SH3BP4: variants seen among roughly 807,000 people sequenced by gnomAD.
SH3BP4 encodes SH3 domain-binding protein 4.
Under a neutral mutation model 65.5 loss-of-function variants are expected in SH3BP4, and 33 were observed. The ratio of observed to expected loss-of-function variants is 0.50; its 90% CI spans 0.38 to 0.67. SH3BP4 has a LOEUF of 0.67. Ranked by LOEUF, SH3BP4 falls within the 30% of genes least tolerant of loss-of-function variation. The probability of loss-of-function intolerance (pLI) is 0.00; values close to 1 mark genes in which losing one functional copy is unlikely to be tolerated. For synonymous variants in SH3BP4, 552 were observed against 545.5 expected, an observed-to-expected ratio of 1.01 and a Z score of -0.17; for missense variants, 1,134 against 1,261.4, an observed-to-expected ratio of 0.90 and a Z score of 1.53.
Position 235,035,342 on chromosome 2 carries a change from G to A in SH3BP4, c.118+222G>A, listed in dbSNP as rs1047780311. Among the ~76,000 whole-genome samples the A allele has an allele frequency of 2.0e-5, 3 of 152,112 alleles. No individual in the cohort carries two copies. Among genetic ancestry groups the A allele is most frequent in the Non-Finnish European group, 4.4e-5 (3 of 68,024 alleles). On this transcript the variant is annotated intron_variant, in intron 3 of 5. Coordinates refer to ENST00000392011, the MANE Select transcript of SH3BP4 (RefSeq NM_014521.3). This position sits in a 1 kb window ranked among gnomAD's most constrained non-coding sequence, Gnocchi z 5.0. ...TAGTGAAACCCCTTCTTAATACAGGGTATGTTTCTTTTTACTTGATAAAAT... is the reference window on the plus strand; with the variant it reads ...TAGTGAAACCCCTTCTTAATACAGGATATGTTTCTTTTTACTTGATAAAAT...
Position 235,040,975 on chromosome 2 carries a change from C to G in SH3BP4, c.206C>G (p.Thr69Ser). Residue 69 changes from threonine (T) to serine (S), a missense_variant, in exon 4 of 6, where the codon ACC (threonine) becomes AGC (serine). By Grantham distance (58) the Thr-to-Ser change is moderately conservative. Coordinates refer to ENST00000392011, the MANE Select transcript of SH3BP4 (RefSeq NM_014521.3). Reference protein sequence around the residue: ...EVIAIKDYCPTNFTTLKFSKG... With the variant: ...EVIAIKDYCPSNFTTLKFSKG... The stretch of plus-strand genomic sequence containing the variant: ...ATTGCGATCAAGGACTATTGCCCCA[C>G]CAACTTCACCACACTGAAGTTCTCC... 6.2e-7 allele frequency: 1 copy of G among 1,614,176 alleles called. No individual in the cohort carries two copies. The highest frequency in any genetic ancestry group is 8.5e-7 in the Non-Finnish European group (1 of 1,180,038).
Position 235,052,731 on chromosome 2 carries a change from A to G in SH3BP4, c.2648A>G (p.Asn883Ser), listed in dbSNP as rs778929264. ...DAYESPHRDR[N>S]GVVDSEAMWK... is the part of the protein sequence containing the mutation. ...TACGAGTCTCCCCACCGGGACAGGAACGGGGTTGTGGACAGCGAGGTGAGC... is the reference window on the plus strand; with the variant it reads ...TACGAGTCTCCCCACCGGGACAGGAGCGGGGTTGTGGACAGCGAGGTGAGC... The change falls in exon 5 of 6, where the codon AAC becomes AGC. Residue 883 changes from asparagine (N) to serine (S), a missense_variant. By Grantham distance (46) the Asn-to-Ser change is conservative. Transcript: ENST00000392011. The surrounding 1 kb of genome is among the most constrained non-coding windows in gnomAD (Gnocchi z 5.0). 43 of 1,601,342 alleles carry G rather than the reference A, an allele frequency of 2.7e-5. No homozygotes were observed. In the Admixed American group the frequency reaches 6.1e-4, roughly 23 times the overall value.
At chr2:234,972,947 G>A (rs149425251) in intron 1 of SH3BP4, among the ~76,000 whole-genome samples, 65 of 152,254 alleles carry the variant, frequency 4.3e-4, no homozygotes, top group African/African-American at 1.5e-3. Flanking sequence ...TGAAAAACAC[G>A]TGCAGAACAC....
intron 2 of SH3BP4, among the ~76,000 whole-genome samples, chr2:235,032,712 G>T (rs1302833162): frequency 6.6e-6 from 1 of 152,142 alleles, no homozygotes; most frequent in African/African-American, 2.4e-5. Context: ...GGGGGCGAGG[G>T]TGCTGTGCCG....
At position 235,055,025 on chromosome 2, in the gene SH3BP4, G is replaced by C. The variant is rs1444870449; in HGVS notation, c.*1209G>C. 1 of 152,208 alleles carries C rather than the reference G, an allele frequency of 6.6e-6. No individual in the cohort carries two copies. Among genetic ancestry groups the C allele is most frequent in the African/African-American group, 2.4e-5 (1 of 41,444 alleles). The allele number at this position is 152,208 out of a possible 1,614,324, so 9.4% of individuals were successfully genotyped here. A position where few individuals can be genotyped will look rare whatever the true frequency, so the allele number is the denominator to read the frequency against. On this transcript the variant is annotated 3_prime_UTR_variant, in exon 6 of 6. Coordinates refer to ENST00000392011, the MANE Select transcript of SH3BP4 (RefSeq NM_014521.3). ...GAGCATTTTGTAAAAATGAAAATGT[G>C]ACTCACATAAAATCAGGAACTTGAC... is the stretch of plus-strand genomic sequence containing the variant.
rs1166300378 is a variant in SH3BP4, at chr2:235,026,606, C to A, written c.-132-8265C>A. ...ACAGAGCCTCGTTGCTAGAGCCTGG[C>A]ACTCCGTAGATGTTCACTAAGGTGA... On this transcript the variant is annotated intron_variant, in intron 2 of 5. Coordinates refer to ENST00000392011, the MANE Select transcript of SH3BP4 (RefSeq NM_014521.3). This position sits in a 1 kb window ranked among gnomAD's most constrained non-coding sequence, Gnocchi z 4.6. Among the ~76,000 whole-genome samples the A allele has an allele frequency of 6.6e-6, 1 of 152,212 alleles. No individual in the cohort carries two copies. The highest frequency in any genetic ancestry group is 2.4e-5 in the African/African-American group (1 of 41,464).
At chr2:234,990,193 A>G (rs991931793) in intron 1 of SH3BP4, among the ~76,000 whole-genome samples, 3 of 152,228 alleles carry the variant, frequency 2.0e-5, no homozygotes, top group Admixed American at 6.5e-5. Context: ...GATTTTGGAT[A>G]AATGGTACTC....
intron 1 of SH3BP4, among the ~76,000 whole-genome samples, chr2:234,972,763 G>A (rs1263152973): frequency 1.3e-5 from 2 of 152,150 alleles, no homozygotes; most frequent in African/African-American, 4.8e-5. Flanking sequence ...GTTTTAGATA[G>A]TGTGTGTTTT....
At position 234,970,053 on chromosome 2, in the gene SH3BP4, A is replaced by T. The variant is rs955105903; in HGVS notation, c.-207+17883A>T. On this transcript the variant is annotated intron_variant, in intron 1 of 5. Transcript: ENST00000392011. ...CACTCACAAATACACTTACTCACAC[A>T]CACTCATACACACACTCACACTGTC... 1.4e-4 allele frequency among the ~76,000 whole-genome samples: 20 copies of T among 143,004 alleles called. No homozygotes were observed. The East Asian group carries it at 2.3e-3, about 17-fold the overall frequency. The allele number at this position is 143,004 out of a possible 152,430, so 93.8% of individuals were successfully genotyped here.
chr2:235,038,369 A>ATATTT (rs1559254564), intron 3 of SH3BP4, among the ~76,000 whole-genome samples: 1 of 43,498 alleles, frequency 2.3e-5, no homozygotes, highest in South Asian at 9.2e-4. Flanking sequence ...TATATATAAT[A>ATATTT]TATATACATA....
intron 2 of SH3BP4, among the ~76,000 whole-genome samples, chr2:235,017,301 G>T (rs1694717819): frequency 6.6e-6 from 1 of 151,806 alleles, no homozygotes; most frequent in Admixed American, 6.6e-5. Flanking sequence ...ACAAAAATTA[G>T]CCAAGTGTGG....
In SH3BP4 at chr2:234,999,860, G is replaced by A. The variant is rs146981309; in HGVS notation, c.-133+4484G>A. Among the ~76,000 whole-genome samples, 99 of 152,308 alleles carry A rather than the reference G, an allele frequency of 6.5e-4. 1 individual carries two copies. In the East Asian group the frequency reaches 0.017, roughly 26 times the overall value. ...ACCTGTGCAGCTGGCTCTGTCACGC[G>A]GCCTCTGCTGCTCACCACCAGCACA... On this transcript the variant is annotated intron_variant, in intron 2 of 5. Coordinates refer to ENST00000392011, the MANE Select transcript of SH3BP4 (RefSeq NM_014521.3).
intron 4 of SH3BP4, among the ~76,000 whole-genome samples, chr2:235,049,280 C>T (rs188602317): frequency 1.7e-3 from 254 of 152,308 alleles, no homozygotes; most frequent in African/African-American, 5.7e-3. Context: ...GTGCCCAGTT[C>T]CCCTGGGGAG....
chr2:235,023,729 A>AT (rs573492282), intron 2 of SH3BP4, among the ~76,000 whole-genome samples: 8 of 152,290 alleles, frequency 5.3e-5, no homozygotes, highest in African/African-American at 9.6e-5. Flanking sequence ...TATAAAAGGT[A>AT]TTTTTTTGAA....
intron 1 of SH3BP4, among the ~76,000 whole-genome samples, chr2:234,988,278 C>G (rs1040822255): frequency 6.6e-6 from 1 of 152,150 alleles, no homozygotes; most frequent in Non-Finnish European, 1.5e-5. Flanking sequence ...CCAGGATAGT[C>G]TTGATCTCCT....
chr2:235,025,784 C>A (rs912284956), intron 2 of SH3BP4, among the ~76,000 whole-genome samples: 8 of 152,230 alleles, frequency 5.3e-5, no homozygotes, highest in Non-Finnish European at 1.0e-4. Flanking sequence ...GGTGGACTTC[C>A]ATTTGCAAAG....
intron 2 of SH3BP4, among the ~76,000 whole-genome samples, chr2:235,010,923 C>T (rs1413983947): frequency 2.0e-5 from 3 of 146,942 alleles, no homozygotes; most frequent in Admixed American, 6.7e-5. Flanking sequence ...CCCTTCCTCC[C>T]TCTTCTAGGA....
In SH3BP4 at chr2:235,025,862, C is replaced by T. The variant is rs367590213; in HGVS notation, c.-132-9009C>T. ...TTTGATGTTATAGAAATGGGGAGCC[C>T]TGTTGGGTCTTCAAGAAAGTGGGTG... is the stretch of plus-strand genomic sequence containing the variant. On this transcript the variant is annotated intron_variant, in intron 2 of 5. Coordinates refer to ENST00000392011, the MANE Select transcript of SH3BP4 (RefSeq NM_014521.3). 4.7e-4 allele frequency among the ~76,000 whole-genome samples: 72 copies of T among 152,252 alleles called. 2 individuals carry two copies. In the South Asian group the frequency reaches 0.015, roughly 31 times the overall value.
rs201878792 is a variant in SH3BP4 at position 235,041,557 on chromosome 2, C to G, written c.788C>G (p.Ser263Trp). The G allele has an allele frequency of 5.6e-6, 9 of 1,614,110 alleles. No individual in the cohort carries two copies. In the South Asian group the frequency reaches 9.9e-5, roughly 18 times the overall value. ...GCCAAGTCCGATGCTCCCACATCGT[C>G]GAGTTTCTTCACCGGCTTGAAATCA... ...LQAKSDAPTS[S>W]SFFTGLKSPA... Residue 263 changes from serine to tryptophan, a missense_variant, in exon 4 of 6, where the codon TCG (serine) becomes TGG (tryptophan). Transcript: ENST00000392011. The surrounding 1 kb of genome is among the most constrained non-coding windows in gnomAD (Gnocchi z 6.0).
Sources: gnomAD v4.1 joint callset for allele counts (sites outside exome capture counted in the v4.1 genomes callset) on GRCh38, gnomAD v4.1.1 for gene constraint, Gnocchi (gnomAD v3.1) non-coding constraint, MANE v1.5 for transcripts, NCBI Gene and HGNC (gene_info 2026-07-23, HGNC 2026-07-21) for gene names.